The following LAMA1 variants were observed in gnomAD, a reference collection of about 807,000 sequenced individuals.
LAMA1 encodes laminin subunit alpha-1.
Under a neutral mutation model 348.7 loss-of-function variants are expected in LAMA1, and 219 were observed. The observed-to-expected ratio is 0.63, with a 90% CI of 0.56 to 0.70. LAMA1 has a LOEUF of 0.70. Ranked by LOEUF, LAMA1 falls within the 30% of genes least tolerant of loss-of-function variation. The pLI is 0.00. For missense variants in LAMA1, 3,744 were observed against 3,888.0 expected (o/e 0.96, Z 0.99); for synonymous variants, 1,487 against 1,491.0 (o/e 1.00, Z 0.06).
chr18:6,956,251 A>C, intron 56 of LAMA1: 1 of 346,102 alleles, frequency 2.9e-6, no homozygotes, highest in Non-Finnish European at 5.6e-6. Flanking sequence ...GGCTTTTCCT[A>C]ATGAATTGAA....
chr18:6,977,610 TG>T, intron 44 of LAMA1, 116 bp downstream of exon 44: 1 of 1,166,498 alleles, frequency 8.6e-7, no homozygotes. Context: ...TATTGGGATC[TG>T]GGTCTTTGGA....
intron 9 of LAMA1, among the ~76,000 whole-genome samples, chr18:7,040,745 T>A (rs2058016901): frequency 6.6e-6 from 1 of 152,214 alleles, no homozygotes; most frequent in South Asian, 2.1e-4. Flanking sequence ...ACAATTCAAA[T>A]GTTCATCAAC....
intron 36 of LAMA1, among the ~76,000 whole-genome samples, chr18:6,990,431 C>A (rs1333043805): frequency 6.6e-6 from 1 of 152,096 alleles, no homozygotes; most frequent in Non-Finnish European, 1.5e-5. Flanking sequence ...TCCCCACCAA[C>A]TCAGATGTGT....
Position 7,026,026 on chromosome 18 carries a change from A to T in LAMA1, c.2355T>A (p.Pro785=), listed in dbSNP as rs1178643907. Reference sequence around the variant, plus strand: ...GGCAGGCGCAGGGCTGGCAGTCCCCAGGTGTCCCTCGGGAAGGCTCCCCGT... The same window carrying T: ...GGCAGGCGCAGGGCTGGCAGTCCCCTGGTGTCCCTCGGGAAGGCTCCCCGT... ...GFYGEPSRGT[P]GDCQPCACPL... The change falls in exon 17 of 63, where the codon CCT becomes CCA. Residue 785 remains proline (P), a synonymous_variant. Coordinates refer to ENST00000389658, the MANE Select transcript of LAMA1 (RefSeq NM_005559.4). The T allele has an allele frequency of 1.9e-6, 3 of 1,609,996 alleles. No individual in the cohort carries two copies. The highest frequency in any genetic ancestry group is 4.5e-5 in the East Asian group (2 of 44,768).
chr18:7,051,024 T>C (rs2144203063), intron 3 of LAMA1, 88 bp from the exon 4 acceptor site: 1 of 1,522,452 alleles, frequency 6.6e-7, no homozygotes, highest in Non-Finnish European at 9.0e-7. Flanking sequence ...AACTTAAAGG[T>C]AGAATCTAAG....
intron 1 of LAMA1, among the ~76,000 whole-genome samples, chr18:7,102,086 A>G (rs904524535): frequency 6.6e-6 from 1 of 152,176 alleles, no homozygotes; most frequent in South Asian, 2.1e-4. Flanking sequence ...ACCAATAACC[A>G]TCTTATACAT....
In LAMA1 at chr18:6,999,508, C is replaced by T. The variant is rs574057305; in HGVS notation, c.4600G>A (p.Ala1534Thr). Residue 1534 changes from alanine to threonine, a missense_variant, in exon 32 of 63, where the codon GCC becomes ACC. Ala to Thr is a moderately conservative substitution (Grantham distance 58). Transcript: ENST00000389658. ...CACTCATCGCACCGGAGCCCCGAGG[C>T]CCCCAGCCTGCAAACGCACTGCCCA... ...TSGQCVCRLG[A>T]SGLRCDECEP... is the part of the protein sequence containing the mutation. 6.2e-6 allele frequency: 10 copies of T among 1,614,118 alleles called. No individual in the cohort carries two copies. The African/African-American group carries it at 9.3e-5, about 15-fold the overall frequency.
At chr18:6,978,645 A>C (rs1009636451) in intron 42 of LAMA1, among the ~76,000 whole-genome samples, 1 of 152,192 alleles carries the variant, frequency 6.6e-6, no homozygotes. Flanking sequence ...ATTTTTGTTA[A>C]TACTTCTCTG....
chr18:6,988,206 G>C lies in LAMA1; in HGVS notation c.5169-1859C>G, dbSNP rs116639360. Among the ~76,000 whole-genome samples the C allele has an allele frequency of 3.6e-3, 546 of 152,236 alleles. 7 individuals are homozygous for C. Among genetic ancestry groups the C allele is most frequent in the African/African-American group, 0.012 (514 of 41,532 alleles). On this transcript the variant is annotated intron_variant, in intron 36 of 62. Transcript: ENST00000389658. ...AACTACAATCAGGTGAAATGACATA[G>C]TCCTCAATGACTTGAACAAGATTAA...
chr18:6,959,565 A>T, intron 53 of LAMA1, 73 bp from the exon 54 acceptor site: 1 of 1,514,886 alleles, frequency 6.6e-7, no homozygotes, highest in African/African-American at 1.4e-5. Context: ...TCATCTTATG[A>T]AGATAACGTG....
intron 1 of LAMA1, among the ~76,000 whole-genome samples, chr18:7,093,427 T>A (rs1048924532): frequency 6.6e-5 from 10 of 151,788 alleles, no homozygotes; most frequent in African/African-American, 2.4e-4. Context: ...AAAAAAGGCA[T>A]CAAATGTGTG....
In LAMA1 at chr18:7,050,890, C is replaced by G; in HGVS notation, c.392G>C (p.Arg131Pro). The G allele has an allele frequency of 6.2e-7, 1 of 1,614,058 alleles. No individual in the cohort carries two copies. Among genetic ancestry groups the G allele is most frequent in the Non-Finnish European group, 8.5e-7 (1 of 1,180,024 alleles). ...YVIIKAANAP[R>P]PGNWILERSL... Reference sequence around the variant, plus strand: ...ACGCTCCAAAATCCAGTTTCCAGGTCGAGGGGCATTGGCAGCTTTAATGAT... The same window carrying G: ...ACGCTCCAAAATCCAGTTTCCAGGTGGAGGGGCATTGGCAGCTTTAATGAT... Residue 131 changes from arginine to proline, a missense_variant, in exon 4 of 63, where the codon CGA becomes CCA. Arg to Pro is a moderately radical substitution (Grantham distance 103). Transcript: ENST00000389658.
chr18:7,031,999 A>T, intron 16 of LAMA1, 67 bp downstream of exon 16: 1 of 1,283,830 alleles, frequency 7.8e-7, no homozygotes, highest in Non-Finnish European at 1.1e-6. Flanking sequence ...AAAAAAAATC[A>T]CTTGTACACA....
chr18:6,964,617 T>C (rs1177320781), intron 51 of LAMA1, 45 bp downstream of exon 51: 9 of 1,610,330 alleles, frequency 5.6e-6, no homozygotes, highest in Non-Finnish European at 4.2e-6. Flanking sequence ...AGCAAGCTAA[T>C]AAAGTTGGAA....
chr18:7,069,801 C>A (rs2058138507), intron 3 of LAMA1, among the ~76,000 whole-genome samples: 3 of 151,974 alleles, frequency 2.0e-5, no homozygotes, highest in Non-Finnish European at 4.4e-5. Flanking sequence ...TGCCCCAAAC[C>A]CCCTCCTCCA....
chr18:7,116,256 G>A (rs2058355889), intron 1 of LAMA1, among the ~76,000 whole-genome samples: 1 of 152,176 alleles, frequency 6.6e-6, no homozygotes, highest in African/African-American at 2.4e-5. Context: ...AATAAGCTGA[G>A]GCAAGCTGCT....
chr18:7,067,788 A>G lies in LAMA1; in HGVS notation c.345+12187T>C, dbSNP rs188802468. ...GCTTTCTAATTTCCAGGCCTTTCCCACCCTGCTCTTCCCTGCTGCTTCTTC... is the reference window on the plus strand; with the variant it reads ...GCTTTCTAATTTCCAGGCCTTTCCCGCCCTGCTCTTCCCTGCTGCTTCTTC... On this transcript the variant is annotated intron_variant, in intron 3 of 62. Transcript: ENST00000389658. 4.6e-5 allele frequency among the ~76,000 whole-genome samples: 7 copies of G among 151,356 alleles called. No homozygotes were observed. The East Asian group carries it at 1.2e-3, about 25-fold the overall frequency.
At chr18:7,032,593 C>T (rs1018795131) in intron 15 of LAMA1, among the ~76,000 whole-genome samples, 8 of 152,064 alleles carry the variant, frequency 5.3e-5, no homozygotes, top group Non-Finnish European at 7.4e-5. Flanking sequence ...AGTAAAATAG[C>T]GAGGGGCCAT....
chr18:7,087,618 T>TA (rs1292079414), intron 1 of LAMA1, among the ~76,000 whole-genome samples: 3 of 152,260 alleles, frequency 2.0e-5, no homozygotes, highest in South Asian at 4.1e-4. Context: ...ATGGAAATGT[T>TA]AATTCTAATT....
Sources: gnomAD v4.1 joint callset for allele counts (sites outside exome capture counted in the v4.1 genomes callset) on GRCh38, gnomAD v4.1.1 for gene constraint, MANE v1.5 for transcripts, NCBI Gene and HGNC (gene_info 2026-07-23, HGNC 2026-07-21) for gene names.